Variants in ANGPTL1 observed in about 807,000 individuals in gnomAD.
ANGPTL1 encodes angiopoietin like 1.
A neutral mutation model predicts 46.7 loss-of-function variants in ANGPTL1; 36 were observed. The ratio of observed to expected loss-of-function variants is 0.77; its 90% CI spans 0.59 to 1.02. The LOEUF is 1.02. Ranked by LOEUF, ANGPTL1 falls within the 50% of genes least tolerant of loss-of-function variation. The probability of loss-of-function intolerance (pLI) is 0.00; values close to 1 mark genes in which losing one functional copy is unlikely to be tolerated. For missense variants in ANGPTL1, 571 were observed against 594.7 expected (o/e 0.96, Z 0.41); for synonymous variants, 221 against 204.3 (o/e 1.08, Z -0.69).
chr1:178,869,960 C>T (rs1320266200), intron 1 of ANGPTL1, among the ~76,000 whole-genome samples: 2 of 152,024 alleles, frequency 1.3e-5, no homozygotes, highest in East Asian at 3.9e-4. Context: ...TATTTTTGGC[C>T]TTTTAGTCAT....
Position 178,869,201 on chromosome 1 carries a change from C to G in ANGPTL1, c.-114G>C, listed in dbSNP as rs1402186140. On this transcript the variant is annotated 5_prime_UTR_variant, in exon 2 of 6. Coordinates refer to ENST00000234816, the MANE Select transcript of ANGPTL1 (RefSeq NM_004673.4). ...GGTTAATTTTATTAGTAGCTTTTCT[C>G]TTCATAGTTGCTATATTGCCAGCTA... The G allele has an allele frequency of 6.6e-6, 1 of 152,006 alleles. No individual in the cohort carries two copies. Among genetic ancestry groups the G allele is most frequent in the African/African-American group, 2.4e-5 (1 of 41,426 alleles). The allele number at this position is 152,006 out of a possible 1,614,324, so 9.4% of individuals were successfully genotyped here. A position where few individuals can be genotyped will look rare whatever the true frequency, so the allele number is the denominator to read the frequency against.
chr1:178,854,471 G>T (rs1414511111), intron 3 of ANGPTL1, among the ~76,000 whole-genome samples: 1 of 152,102 alleles, frequency 6.6e-6, no homozygotes, highest in Non-Finnish European at 1.5e-5. Context: ...TAAACCAGAT[G>T]CCCAAACTCA....
rs771850663 is a variant in ANGPTL1, at chr1:178,852,964, G to A, written c.1018-11C>T. 1.6e-5 allele frequency: 25 copies of A among 1,599,510 alleles called. No homozygotes were observed. The highest frequency in any genetic ancestry group is 1.7e-4 in the Middle Eastern group (1 of 5,966). Reference sequence around the variant, plus strand: ...GTTTCCAAACCCTTTCTGTTAATAAGTGAAGAAACATGAGTGCATAAATAA... The same window carrying A: ...GTTTCCAAACCCTTTCTGTTAATAAATGAAGAAACATGAGTGCATAAATAA... On this transcript the variant is annotated splice_polypyrimidine_tract_variant and intron_variant, in intron 4 of 5. Transcript: ENST00000234816.
At chr1:178,858,748 A>G (rs944718929) in intron 3 of ANGPTL1, among the ~76,000 whole-genome samples, 2 of 152,198 alleles carry the variant, frequency 1.3e-5, no homozygotes, top group Admixed American at 1.3e-4. Flanking sequence ...TTAAGAACCC[A>G]TATTTTGAAT....
intron 3 of ANGPTL1, among the ~76,000 whole-genome samples, chr1:178,862,476 A>G (rs2102327465): frequency 6.6e-6 from 1 of 152,316 alleles, no homozygotes; most frequent in South Asian, 2.1e-4. Flanking sequence ...TGATAATTTA[A>G]GAGGGACTAT....
At chr1:178,868,930 G>A (rs895332830) in intron 2 of ANGPTL1, among the ~76,000 whole-genome samples, 184 bp downstream of exon 2, 2 of 151,768 alleles carry the variant, frequency 1.3e-5, no homozygotes, top group African/African-American at 4.8e-5. Context: ...GTAAAGAACT[G>A]GTTTTAAAAA....
intron 3 of ANGPTL1, among the ~76,000 whole-genome samples, chr1:178,862,341 C>A (rs1419068464): frequency 6.6e-6 from 1 of 152,036 alleles, no homozygotes; most frequent in Non-Finnish European, 1.5e-5. Flanking sequence ...AAAAATGTCA[C>A]CAAATCAACT....
chr1:178,857,033 T>C (rs919728653), intron 3 of ANGPTL1, among the ~76,000 whole-genome samples: 12 of 152,194 alleles, frequency 7.9e-5, no homozygotes, highest in Non-Finnish European at 2.9e-5. Context: ...CTTCACATTA[T>C]AGAAACATGC....
chr1:178,855,100 C>G (rs1448774921), intron 3 of ANGPTL1, among the ~76,000 whole-genome samples: 1 of 151,980 alleles, frequency 6.6e-6, no homozygotes, highest in Non-Finnish European at 1.5e-5. Context: ...ACAAGAATTT[C>G]TGTACTATAA....
chr1:178,860,585 A>G (rs146488999), intron 3 of ANGPTL1, among the ~76,000 whole-genome samples: 3 of 152,290 alleles, frequency 2.0e-5, no homozygotes, highest in African/African-American at 7.2e-5. Context: ...AATAACCATT[A>G]AACAACTCCC....
At chr1:178,857,511 C>T (rs1193126204) in intron 3 of ANGPTL1, among the ~76,000 whole-genome samples, 5 of 152,094 alleles carry the variant, frequency 3.3e-5, no homozygotes, top group Admixed American at 2.6e-4. Flanking sequence ...AGTTATGTAG[C>T]GCACATGGTA....
At chr1:178,853,856 C>G (rs1477092854) in intron 3 of ANGPTL1, 69 bp from the exon 4 acceptor site, 24 of 1,295,028 alleles carry the variant, frequency 1.9e-5, no homozygotes, top group Non-Finnish European at 2.1e-6. Context: ...AGTTTTTAAT[C>G]AAGATTTTTA....
Position 178,865,380 on chromosome 1 carries a change from G to A in ANGPTL1, c.397C>T (p.Leu133Phe), listed in dbSNP as rs144603345. The A allele has an allele frequency of 1.9e-5, 30 of 1,614,058 alleles. No homozygotes were observed. In the African/African-American group the frequency reaches 2.8e-4, roughly 15 times the overall value. ...ATCTCATGTAATAATTGCATATAGAGTTGAGTAACACGAGAGTTCATGTTA... is the reference window on the plus strand; with the variant it reads ...ATCTCATGTAATAATTGCATATAGAATTGAGTAACACGAGAGTTCATGTTA... Reference protein sequence around the residue: ...SRNMNSRVTQLYMQLLHEIIR... With the variant: ...SRNMNSRVTQFYMQLLHEIIR... Residue 133 changes from leucine to phenylalanine, a missense_variant, in exon 3 of 6, where the codon CTC becomes TTC. By Grantham distance (22) the Leu-to-Phe change is conservative (BLOSUM62 0). Transcript: ENST00000234816.
chr1:178,865,088 G>A lies in ANGPTL1; in HGVS notation c.689C>T (p.Thr230Ile). ...CTCGTTACCTCCCAGCAGACCAGGA[G>A]TATACTGTTGGCTGTTAGGAATATG... is the stretch of plus-strand genomic sequence containing the variant. ...PQHIPNSQQY[T>I]PGLLGGNEIQ... The change falls in exon 3 of 6, where the codon ACT (threonine) becomes ATT (isoleucine). Residue 230 changes from threonine (T) to isoleucine (I), a missense_variant. Physicochemically the swap from Thr to Ile is moderately conservative, Grantham distance 89. Transcript: ENST00000234816. 2 of 1,556,984 alleles carry A rather than the reference G, an allele frequency of 1.3e-6. No homozygotes were observed. Among genetic ancestry groups the A allele is most frequent in the South Asian group, 1.2e-5 (1 of 80,124 alleles).
intron 3 of ANGPTL1, among the ~76,000 whole-genome samples, chr1:178,861,868 T>TGTTGTTGTTGTA (rs1658038384): frequency 2.0e-5 from 3 of 152,110 alleles, no homozygotes; most frequent in Admixed American, 2.0e-4. Context: ...GAGGTTTGTT[T>TGTTGTTGTTGTA]GTTGTTGTTG....
rs1479913198 is a variant in ANGPTL1, at chr1:178,851,244, C to T, written c.1361G>A (p.Trp454Ter). The T allele has an allele frequency of 6.2e-7, 1 of 1,613,966 alleles. No homozygotes were observed. Reference protein sequence around the residue: ...ACAHSNLNGVWYRGGHYRSKH... With the variant: ...ACAHSNLNGV ...GCTTCTGTAATGGCCTCCTCTGTAC[C>T]ATACTCCATTTAGGTTAGAATGTGC... Residue 454 changes from tryptophan to a stop codon, truncating the protein, a stop_gained, in exon 6 of 6, where the codon TGG becomes TAG. Coordinates refer to ENST00000234816, the MANE Select transcript of ANGPTL1 (RefSeq NM_004673.4). LOFTEE classifies it high-confidence loss of function.
intron 3 of ANGPTL1, among the ~76,000 whole-genome samples, chr1:178,857,603 A>G (rs987370296): frequency 6.6e-6 from 1 of 152,240 alleles, no homozygotes; most frequent in African/African-American, 2.4e-5. Flanking sequence ...TAATGCACAC[A>G]TGAAAGTAGT....
chr1:178,856,202 G>GATAGATAGATAGATATAT (rs1553271351), intron 3 of ANGPTL1, among the ~76,000 whole-genome samples: 1 of 83,908 alleles, frequency 1.2e-5, no homozygotes, highest in African/African-American at 6.4e-5. Context: ...GAGAGAGAGA[G>GATAGATAGATAGATATAT]ATATATATAT....
chr1:178,862,874 A>G (rs751489451), intron 3 of ANGPTL1, among the ~76,000 whole-genome samples: 3 of 152,168 alleles, frequency 2.0e-5, no homozygotes, highest in African/African-American at 4.8e-5. Flanking sequence ...GTTTAAGAAG[A>G]TGAATCTGCT....
Sources: gnomAD v4.1 joint callset for allele counts (sites outside exome capture counted in the v4.1 genomes callset) on GRCh38, gnomAD v4.1.1 for gene constraint, MANE v1.5 for transcripts, NCBI Gene and HGNC (gene_info 2026-07-23, HGNC 2026-07-21) for gene names.